PSMA3: variants seen among roughly 807,000 people sequenced by gnomAD.
PSMA3 encodes proteasome subunit alpha type-3.
In PSMA3, 8 loss-of-function variants were observed where a neutral mutation model predicts 40.0. That is an observed-to-expected ratio of 0.20 (90% CI 0.12 to 0.36). The LOEUF is 0.36. Ranked by LOEUF, PSMA3 falls within the 10% of genes least tolerant of loss-of-function variation. The pLI, the probability that PSMA3 is intolerant of heterozygous loss-of-function variation, is 1.00. For synonymous variants in PSMA3, 110 were observed against 100.0 expected (o/e 1.10, Z -0.59); for missense variants, 219 against 310.6 (o/e 0.70, Z 2.22).
At chr14:58,246,188 T>C (rs1029879907) in intron 1 of PSMA3, among the ~76,000 whole-genome samples, 1 of 152,152 alleles carries the variant, frequency 6.6e-6, no homozygotes, top group African/African-American at 2.4e-5. Flanking sequence ...CGAATATTTG[T>C]TTGTCTGCTT....
intron 6 of PSMA3, 67 bp downstream of exon 6, chr14:58,261,087 CATT>C (rs1890268092): frequency 4.8e-6 from 5 of 1,044,366 alleles, no homozygotes; most frequent in Admixed American, 2.1e-5. Context: ...ATTTAAGTCT[CATT>C]ATAAGATTAT....
At chr14:58,264,588 A>T (rs569361434) in intron 7 of PSMA3, 1 of 152,238 alleles carries the variant, frequency 6.6e-6, no homozygotes, top group African/African-American at 2.4e-5. Context: ...ACATACATTT[A>T]ATGTTAATGC....
At chr14:58,267,785 A>G (rs531752888) in intron 8 of PSMA3, 12 of 373,712 alleles carry the variant, frequency 3.2e-5, no homozygotes, top group African/African-American at 2.6e-4. Flanking sequence ...TTAGGGTCTT[A>G]ATTTGTTAGC....
At chr14:58,263,185 A>G (rs1023968376) in intron 6 of PSMA3, among the ~76,000 whole-genome samples, 4 of 151,872 alleles carry the variant, frequency 2.6e-5, no homozygotes, top group Non-Finnish European at 4.4e-5. Context: ...GGGTTTTACA[A>G]TGTTGGCCAG....
chr14:58,271,531 C>A (rs564993063), intron 10 of PSMA3, among the ~76,000 whole-genome samples: 1 of 151,922 alleles, frequency 6.6e-6, no homozygotes, highest in African/African-American at 2.4e-5. Flanking sequence ...AATACAGAGA[C>A]GGGTTTTCAC....
intron 6 of PSMA3, among the ~76,000 whole-genome samples, chr14:58,262,535 A>T (rs1890312480): frequency 6.7e-6 from 1 of 150,314 alleles, no homozygotes; most frequent in Non-Finnish European, 1.5e-5. Context: ...TTTAAATGTG[A>T]TTTCTAAGAG....
intron 7 of PSMA3, 74 bp downstream of exon 7, chr14:58,263,844 A>C (rs1023437791): frequency 6.7e-6 from 9 of 1,348,410 alleles, no homozygotes; most frequent in African/African-American, 1.4e-5. Flanking sequence ...CAGACATTTC[A>C]GTCTAAGGCA....
At chr14:58,263,105 C>T (rs1435733745) in intron 6 of PSMA3, among the ~76,000 whole-genome samples, 1 of 151,638 alleles carries the variant, frequency 6.6e-6, no homozygotes, top group Non-Finnish European at 1.5e-5. Context: ...GCCTCAGCCT[C>T]TGGAGTAGCT....
intron 2 of PSMA3, among the ~76,000 whole-genome samples, chr14:58,251,286 TTGTG>T (rs371042969): frequency 2.0e-5 from 3 of 151,794 alleles, no homozygotes; most frequent in African/African-American, 7.2e-5. Flanking sequence ...TTACTTGAGG[TTGTG>T]TGTGTGTGTG....
chr14:58,260,372 C>G (rs2140089205), intron 5 of PSMA3, among the ~76,000 whole-genome samples: 1 of 152,230 alleles, frequency 6.6e-6, no homozygotes, highest in East Asian at 1.9e-4. Flanking sequence ...TGAAAGTTTT[C>G]TATCTGTGGT....
intron 5 of PSMA3, among the ~76,000 whole-genome samples, chr14:58,259,353 C>T (rs1434611872): frequency 6.6e-5 from 10 of 151,862 alleles, no homozygotes; most frequent in African/African-American, 1.5e-4. Context: ...CTCGCTCTGT[C>T]GCCCAGGCTG....
Position 58,258,099 on chromosome 14 carries a change from C to CTT in PSMA3, c.404+101_404+102insTT, listed in dbSNP as rs35486640. The CTT allele has an allele frequency of 0.71, 652,919 of 923,326 alleles. 234,842 individuals are homozygous for CTT. The highest frequency in any genetic ancestry group is 0.85 in the Middle Eastern group (2,891 of 3,410). 57.2% of individuals were successfully genotyped at this position (923,326 alleles called of 1,614,324 possible). Reference sequence around the variant, plus strand: ...TTTTACATACTTAAAAATAGAAACTCGTCGATAAGTATTAGGGCAATGATT... The same window carrying CTT: ...TTTTACATACTTAAAAATAGAAACTCTTGTCGATAAGTATTAGGGCAATGATT... On this transcript the variant is annotated intron_variant, in intron 5 of 10. Coordinates refer to ENST00000216455, the MANE Select transcript of PSMA3 (RefSeq NM_002788.4).
At chr14:58,257,236 G>A (rs555636083) in intron 3 of PSMA3, among the ~76,000 whole-genome samples, 2 of 151,900 alleles carry the variant, frequency 1.3e-5, no homozygotes, top group South Asian at 2.1e-4. Context: ...GGTGGCTCAC[G>A]CCTGTAATCC....
In PSMA3 at chr14:58,267,532, T is replaced by C. The variant is rs748803021; in HGVS notation, c.590+12T>C. 5.7e-6 allele frequency: 9 copies of C among 1,570,868 alleles called. No individual in the cohort carries two copies. The East Asian group carries it at 1.6e-4, about 28-fold the overall frequency. ...GAAGTTGCAAAAATGTAAGTTGAAA[T>C]TTTTCTTACCATCCACAAAAATATT... On this transcript the variant is annotated intron_variant, in intron 8 of 10. Coordinates refer to ENST00000216455, the MANE Select transcript of PSMA3 (RefSeq NM_002788.4).
intron 2 of PSMA3, among the ~76,000 whole-genome samples, chr14:58,248,281 G>T (rs1224081156): frequency 6.6e-6 from 1 of 152,228 alleles, no homozygotes; most frequent in Non-Finnish European, 1.5e-5. Flanking sequence ...CTAGGCTAGA[G>T]TGCAGTGGCA....
Position 58,271,966 on chromosome 14 carries a change from T to A in PSMA3, c.*71T>A. 1 of 1,117,352 alleles carries A rather than the reference T, an allele frequency of 8.9e-7. No homozygotes were observed. Among genetic ancestry groups the A allele is most frequent in the Non-Finnish European group, 1.3e-6 (1 of 753,158 alleles). 69.2% of individuals were successfully genotyped at this position (1,117,352 alleles called of 1,614,324 possible). A position where few individuals can be genotyped will look rare whatever the true frequency, so the allele number is the denominator to read the frequency against. ...AATGTAACTATTTAGCCCTGGATTA[T>A]ACATACTGTCCAATTTTCATTAAAT... is the stretch of plus-strand genomic sequence containing the variant. On this transcript the variant is annotated 3_prime_UTR_variant, in exon 11 of 11. Coordinates refer to ENST00000216455, the MANE Select transcript of PSMA3 (RefSeq NM_002788.4).
intron 6 of PSMA3, among the ~76,000 whole-genome samples, chr14:58,261,868 G>T (rs952439457): frequency 6.6e-6 from 1 of 151,886 alleles, no homozygotes; most frequent in Non-Finnish European, 1.5e-5. Context: ...CTCCTGCCTT[G>T]GACTCCCAAA....
intron 3 of PSMA3, among the ~76,000 whole-genome samples, chr14:58,253,811 C>T (rs1890071229): frequency 6.6e-6 from 1 of 152,150 alleles, no homozygotes; most frequent in Admixed American, 6.5e-5. Context: ...TCAGGCTGGT[C>T]TCGGACTCCT....
chr14:58,271,913 A>G lies in PSMA3; in HGVS notation c.*18A>G, dbSNP rs369029493. ...ATATGTAACATTTACTCCAGCATCT[A>G]TTGTATTTTAAATTTCTACTCCAGT... On this transcript the variant is annotated 3_prime_UTR_variant, in exon 11 of 11. Coordinates refer to ENST00000216455, the MANE Select transcript of PSMA3 (RefSeq NM_002788.4). 2.6e-6 allele frequency: 4 copies of G among 1,543,716 alleles called. No homozygotes were observed. Among genetic ancestry groups the G allele is most frequent in the African/African-American group, 2.7e-5 (2 of 73,610 alleles).
Sources: allele counts gnomAD v4.1 joint callset (sites outside exome capture counted in the v4.1 genomes callset), GRCh38; gene constraint gnomAD v4.1.1; transcripts MANE v1.5; gene names NCBI Gene and HGNC (gene_info 2026-07-23, HGNC 2026-07-21).